Variants in ASXL3 observed in about 807,000 individuals in gnomAD.
ASXL3 encodes ASXL transcriptional regulator 3, also known as putative Polycomb group protein ASXL3.
ASXL3 carries 34 observed loss-of-function variants against 170.6 expected under a neutral mutation model. That is an observed-to-expected ratio of 0.20 (90% CI 0.15 to 0.27). ASXL3 has a LOEUF of 0.27. Ranked by LOEUF, ASXL3 falls within the 10% of genes least tolerant of loss-of-function variation. The probability of loss-of-function intolerance (pLI) is 1.00; values close to 1 mark genes in which losing one functional copy is unlikely to be tolerated. For missense variants in ASXL3, 2,592 were observed against 2,695.3 expected (o/e 0.96, Z 0.85); for synonymous variants, 1,002 against 989.1 (o/e 1.01, Z -0.24).
At chr18:33,643,071 C>T (rs980412376) in intron 2 of ASXL3, among the ~76,000 whole-genome samples, 1 of 151,758 alleles carries the variant, frequency 6.6e-6, no homozygotes, top group African/African-American at 2.4e-5. Context: ...TTTTACTTGT[C>T]GTGTTAACAT....
chr18:33,745,914 T>TG lies in ASXL3; in HGVS notation c.6066_6067insG (p.Pro2023AlafsTer25). On this transcript the variant is annotated frameshift_variant, in exon 12 of 12. Transcript: ENST00000269197. LOFTEE classifies it high-confidence loss of function. ...TAGTACATCCGCCGCCGCCACCGCCTCCCCCTCCCCCTCCACCCTTGGCTT... is the reference window on the plus strand; with the variant it reads ...TAGTACATCCGCCGCCGCCACCGCCTGCCCCCTCCCCCTCCACCCTTGGCTT... 1 of 1,339,468 alleles carries TG rather than the reference T, an allele frequency of 7.5e-7. No individual in the cohort carries two copies. Among genetic ancestry groups the TG allele is most frequent in the African/African-American group, 1.9e-5 (1 of 53,170 alleles). The allele number at this position is 1,339,468 out of a possible 1,614,324, so 83.0% of individuals were successfully genotyped here.
chr18:33,591,592 C>A (rs1015258989), intron 1 of ASXL3, among the ~76,000 whole-genome samples: 32 of 151,432 alleles, frequency 2.1e-4, no homozygotes, highest in African/African-American at 7.5e-4. Flanking sequence ...AAAATGAATG[C>A]ATAAATCTAG....
chr18:33,609,177 A>G, intron 2 of ASXL3: 1 of 542,728 alleles, frequency 1.8e-6, no homozygotes, highest in Non-Finnish European at 2.3e-6. Context: ...ACAGGAGATT[A>G]ATTTTCTTCT....
intron 1 of ASXL3, among the ~76,000 whole-genome samples, chr18:33,594,042 C>G (rs1229790900): frequency 6.6e-6 from 1 of 152,088 alleles, no homozygotes; most frequent in African/African-American, 2.4e-5. Context: ...TCTTTTAAAC[C>G]TGAATGCAGG....
At chr18:33,615,353 G>C (rs2065406125) in intron 2 of ASXL3, among the ~76,000 whole-genome samples, 1 of 152,060 alleles carries the variant, frequency 6.6e-6, no homozygotes, top group African/African-American at 2.4e-5. Context: ...AGCCTTCATA[G>C]AATTTTGACC....
At chr18:33,709,690 T>C (rs1374508406) in intron 8 of ASXL3, among the ~76,000 whole-genome samples, 2 of 152,234 alleles carry the variant, frequency 1.3e-5, no homozygotes, top group Non-Finnish European at 2.9e-5. Context: ...CAAAAAAGTA[T>C]TCATTTTGTA....
At chr18:33,618,600 C>G (rs1883030291) in intron 2 of ASXL3, among the ~76,000 whole-genome samples, 1 of 152,080 alleles carries the variant, frequency 6.6e-6, no homozygotes, top group Non-Finnish European at 1.5e-5. Flanking sequence ...TATGTTCATT[C>G]CATTAACATT....
intron 8 of ASXL3, among the ~76,000 whole-genome samples, chr18:33,727,412 T>G (rs1261619541): frequency 1.3e-5 from 2 of 152,176 alleles, no homozygotes; most frequent in Admixed American, 1.3e-4. Flanking sequence ...ATTTAAACCT[T>G]TGAATTCCAG....
chr18:33,595,927 C>G (rs921607847), intron 1 of ASXL3, among the ~76,000 whole-genome samples: 2 of 152,084 alleles, frequency 1.3e-5, no homozygotes, highest in African/African-American at 4.8e-5. Context: ...AATGTAACAG[C>G]TTCCATTCAA....
intron 1 of ASXL3, among the ~76,000 whole-genome samples, chr18:33,604,705 C>T (rs1329119832): frequency 6.6e-6 from 1 of 151,960 alleles, no homozygotes; most frequent in African/African-American, 2.4e-5. Context: ...GGTCCAAGCT[C>T]TCTCATCTCC....
chr18:33,650,945 T>G (rs2065988200), intron 4 of ASXL3, among the ~76,000 whole-genome samples: 1 of 152,128 alleles, frequency 6.6e-6, no homozygotes, highest in Admixed American at 6.6e-5. Context: ...ATTGAAAATG[T>G]ATTGAGTACT....
intron 1 of ASXL3, among the ~76,000 whole-genome samples, chr18:33,583,082 C>G (rs1402797179): frequency 6.6e-6 from 1 of 152,008 alleles, no homozygotes; most frequent in Non-Finnish European, 1.5e-5. Context: ...TTTTAAAAAG[C>G]AATTCATAAT....
intron 1 of ASXL3, among the ~76,000 whole-genome samples, chr18:33,604,946 C>A (rs745744819): frequency 6.6e-6 from 1 of 151,664 alleles, no homozygotes; most frequent in Non-Finnish European, 1.5e-5. Flanking sequence ...AATATAAATT[C>A]GAGATGAATT....
At chr18:33,691,127 A>C (rs1171337192) in intron 8 of ASXL3, among the ~76,000 whole-genome samples, 1 of 152,198 alleles carries the variant, frequency 6.6e-6, no homozygotes, top group African/African-American at 2.4e-5. Flanking sequence ...TTGGGTAGTC[A>C]CAGCAATGGA....
chr18:33,733,812 T>C (rs1448724272), intron 9 of ASXL3, among the ~76,000 whole-genome samples: 1 of 152,192 alleles, frequency 6.6e-6, no homozygotes, highest in African/African-American at 2.4e-5. Context: ...TATAAAAGCC[T>C]GAGCAACCTT....
In ASXL3 at chr18:33,739,147, C is replaced by T. The variant is rs2145413537; in HGVS notation, c.1743C>T (p.Gly581=). 6.2e-7 allele frequency: 1 copy of T among 1,613,590 alleles called. No individual in the cohort carries two copies. The change falls in exon 11 of 12, where the codon GGC becomes GGT. Residue 581 remains glycine, a synonymous_variant. Transcript: ENST00000269197. ...AAACAGGGTCATCTTCTCTAGAAGGCCAGTTTCCAAATGAAGGAATTGCTA... is the reference window on the plus strand; with the variant it reads ...AAACAGGGTCATCTTCTCTAGAAGGTCAGTTTCCAAATGAAGGAATTGCTA... ...KIKTGSSSLE[G]QFPNEGIAID...
chr18:33,607,614 C>T lies in ASXL3; in HGVS notation c.75C>T (p.Asn25=). The change falls in exon 2 of 12, where the codon AAC becomes AAT. Residue 25 remains asparagine, a synonymous_variant. Coordinates refer to ENST00000269197, the MANE Select transcript of ASXL3 (RefSeq NM_030632.3). Reference sequence around the variant, plus strand: ...TTTAGGCACTAGAAAAACACCCCAACTCACCAATGACAGCAAAGCAGATAT... The same window carrying T: ...TTTAGGCACTAGAAAAACACCCCAATTCACCAATGACAGCAAAGCAGATAT... ...AARLALEKHP[N]SPMTAKQILE... 1 of 1,589,352 alleles carries T rather than the reference C, an allele frequency of 6.3e-7. No individual in the cohort carries two copies. Among genetic ancestry groups the T allele is most frequent in the Non-Finnish European group, 8.6e-7 (1 of 1,166,946 alleles).
chr18:33,607,870 T>C (rs2145124409), intron 2 of ASXL3, among the ~76,000 whole-genome samples, 194 bp downstream of exon 2: 1 of 152,084 alleles, frequency 6.6e-6, no homozygotes, highest in South Asian at 2.1e-4. Context: ...ATACATTACG[T>C]TAGATGGATT....
In ASXL3 at chr18:33,746,566, CTT is replaced by C; in HGVS notation, c.6720_6721del (p.Val2242SerfsTer11). The C allele has an allele frequency of 6.3e-7, 1 of 1,595,080 alleles. No homozygotes were observed. Among genetic ancestry groups the C allele is most frequent in the Non-Finnish European group, 8.6e-7 (1 of 1,167,272 alleles). On this transcript the variant is annotated frameshift_variant, in exon 12 of 12. Coordinates refer to ENST00000269197, the MANE Select transcript of ASXL3 (RefSeq NM_030632.3). LOFTEE classifies it high-confidence loss of function. ...CHDDCIGPSK[L>X]CVACLVVR ...TGACGACTGCATAGGTCCTTCAAAA[CTT>C]TGTGTAGCATGCCTGGTTGTACGAT... is the stretch of plus-strand genomic sequence containing the variant.
Sources: gnomAD v4.1 joint callset for allele counts (sites outside exome capture counted in the v4.1 genomes callset) on GRCh38, gnomAD v4.1.1 for gene constraint, MANE v1.5 for transcripts, NCBI Gene and HGNC (gene_info 2026-07-23, HGNC 2026-07-21) for gene names.